SNTB1: variants seen among roughly 807,000 people sequenced by gnomAD.
SNTB1 encodes the protein beta-1-syntrophin.
In SNTB1, 36 loss-of-function variants were observed where a neutral mutation model predicts 48.9. The observed-to-expected ratio is 0.74, with a 90% CI of 0.56 to 0.97. The LOEUF (loss-of-function observed/expected upper bound fraction) is 0.97. Among genes scored for constraint, SNTB1 ranks in the 50% least tolerant of loss-of-function variants. The pLI, the probability that SNTB1 is intolerant of heterozygous loss-of-function variation, is 0.00. For missense variants in SNTB1, 786 were observed against 703.4 expected (o/e 1.12, Z -1.33); for synonymous variants, 299 against 294.6 (o/e 1.01, Z -0.15).
intron 5 of SNTB1, among the ~76,000 whole-genome samples, chr8:120,543,534 G>C (rs1156702971): frequency 6.6e-6 from 1 of 152,114 alleles, no homozygotes; most frequent in Non-Finnish European, 1.5e-5. Flanking sequence ...GGGTTGTTTG[G>C]CTTTCAAAAT....
At chr8:120,551,578 C>T (rs28417261) in intron 4 of SNTB1, among the ~76,000 whole-genome samples, 54,385 of 151,418 alleles carry the variant, frequency 0.36, 12,890 homozygotes, top group African/African-American at 0.68. Flanking sequence ...TGCAAAAAAT[C>T]AGCTGGGCAT....
At position 120,667,081 on chromosome 8, in the gene SNTB1, T is replaced by TTC. The variant is rs35665089; in HGVS notation, c.788+26609_788+26610dup. Among the ~76,000 whole-genome samples, 990 of 143,422 alleles carry TTC rather than the reference T, an allele frequency of 6.9e-3. 14 individuals carry two copies. In the Middle Eastern group the frequency reaches 0.083, roughly 12 times the overall value. 94.1% of individuals were successfully genotyped at this position (143,422 alleles called of 152,430 possible). A position where few individuals can be genotyped will look rare whatever the true frequency, so the allele number is the denominator to read the frequency against. On this transcript the variant is annotated intron_variant, in intron 2 of 6. Transcript: ENST00000517992. ...TGCTCCTTCTTTGCATGTTTGGTAA[T>TTC]TCTCTCTCTCTCTCTCTTCTTTTTT...
chr8:120,560,191 C>G (rs993488081), intron 4 of SNTB1, among the ~76,000 whole-genome samples: 1 of 152,188 alleles, frequency 6.6e-6, no homozygotes. Context: ...TTCTAACCTC[C>G]TTTCATCTGG....
rs529599539 is a variant in SNTB1 at position 120,637,305 on chromosome 8, T to C, written c.789-4654A>G. ...AACATCAGCTTGGCTAGTCCTCCTG[T>C]GGCTCCTGTCCTAAGTGTAGATACC... On this transcript the variant is annotated intron_variant, in intron 2 of 6. Coordinates refer to ENST00000517992, the MANE Select transcript of SNTB1 (RefSeq NM_021021.4). 3.6e-4 allele frequency: 117 copies of C among 323,682 alleles called. 1 individual carries two copies. The East Asian group carries it at 9.2e-3, about 25-fold the overall frequency. 20.1% of individuals were successfully genotyped at this position (323,682 alleles called of 1,614,324 possible).
At chr8:120,740,796 C>G (rs1055108648) in intron 1 of SNTB1, among the ~76,000 whole-genome samples, 1 of 151,544 alleles carries the variant, frequency 6.6e-6, no homozygotes, top group Non-Finnish European at 1.5e-5. Context: ...TTATTTTTTG[C>G]AGCACATAAA....
At chr8:120,649,302 C>G (rs1260162484) in intron 2 of SNTB1, among the ~76,000 whole-genome samples, 3 of 148,904 alleles carry the variant, frequency 2.0e-5, no homozygotes, top group Admixed American at 6.7e-5. Flanking sequence ...GTGGTTTTAT[C>G]TACTTTTGGT....
chr8:120,552,401 C>T (rs1194587012), intron 4 of SNTB1, among the ~76,000 whole-genome samples: 1 of 152,158 alleles, frequency 6.6e-6, no homozygotes, highest in Admixed American at 6.5e-5. Flanking sequence ...CAGAGTCACC[C>T]AGGCTGGAGT....
At chr8:120,698,428 A>G (rs567525024) in intron 1 of SNTB1, among the ~76,000 whole-genome samples, 6 of 152,302 alleles carry the variant, frequency 3.9e-5, no homozygotes, top group East Asian at 3.9e-4. Flanking sequence ...TTTCATATCT[A>G]TCCTGAGGGA....
chr8:120,616,685 CACA>C (rs1335907113), intron 3 of SNTB1, among the ~76,000 whole-genome samples: 7 of 152,148 alleles, frequency 4.6e-5, no homozygotes, highest in Non-Finnish European at 5.9e-5. Context: ...TTTAAAATTA[CACA>C]GCATGCAGCA....
rs748980515 is a variant in SNTB1 at position 120,628,522 on chromosome 8, C to T, written c.996+3922G>A. 1.8e-3 allele frequency among the ~76,000 whole-genome samples: 279 copies of T among 152,178 alleles called. 1 individual carries two copies. Among genetic ancestry groups the T allele is most frequent in the African/African-American group, 1.6e-3 (67 of 41,516 alleles). ...CTGTAATCCCAGGACTTTGGGAGGC[C>T]GACGTGGCCAGATCACCTGAGGTCA... On this transcript the variant is annotated intron_variant, in intron 3 of 6. Coordinates refer to ENST00000517992, the MANE Select transcript of SNTB1 (RefSeq NM_021021.4).
At chr8:120,738,584 C>CCTTT (rs1563585660) in intron 1 of SNTB1, among the ~76,000 whole-genome samples, 1 of 149,812 alleles carries the variant, frequency 6.7e-6, no homozygotes, top group Non-Finnish European at 1.5e-5. Context: ...TTCCTTCCTT[C>CCTTT]CTTCTTAGTG....
intron 1 of SNTB1, among the ~76,000 whole-genome samples, chr8:120,784,800 A>G (rs189921888): frequency 3.5e-4 from 54 of 152,358 alleles, no homozygotes; most frequent in Admixed American, 4.6e-4. Flanking sequence ...TTTAAAAGAA[A>G]AACGGAAAGA....
At chr8:120,559,179 G>A (rs1385301880) in intron 4 of SNTB1, among the ~76,000 whole-genome samples, 2 of 152,194 alleles carry the variant, frequency 1.3e-5, no homozygotes, top group Admixed American at 1.3e-4. Context: ...AAAGGTAGCT[G>A]AGATTAGATG....
At chr8:120,598,432 A>T (rs1346240585) in intron 3 of SNTB1, among the ~76,000 whole-genome samples, 1 of 152,146 alleles carries the variant, frequency 6.6e-6, no homozygotes, top group Non-Finnish European at 1.5e-5. Context: ...CCTTCTCCTG[A>T]GTGTCATTTA....
intron 3 of SNTB1, among the ~76,000 whole-genome samples, chr8:120,588,254 C>A (rs1251079001): frequency 1.3e-5 from 2 of 152,088 alleles, no homozygotes; most frequent in South Asian, 4.2e-4. Context: ...CAACATCACA[C>A]CAACATTTCC....
chr8:120,600,811 G>A (rs1403111345), intron 3 of SNTB1, among the ~76,000 whole-genome samples: 5 of 151,762 alleles, frequency 3.3e-5, no homozygotes, highest in African/African-American at 1.2e-4. Context: ...ACAGCTGCAG[G>A]GCTGTGGGGT....
intron 1 of SNTB1, among the ~76,000 whole-genome samples, chr8:120,756,360 G>A (rs1399487828): frequency 6.6e-6 from 1 of 152,080 alleles, no homozygotes; most frequent in Non-Finnish European, 1.5e-5. Flanking sequence ...GGTGTAAAGC[G>A]ATGGATGGAC....
rs1815431502 is a variant in SNTB1 at position 120,548,939 on chromosome 8, C to T, written c.1156G>A (p.Gly386Arg). ...LATRLVHSGP[G>R]KGSPQAGVDL... ...ACACCAGCCTGGGGTGATCCCTTTC[C>T]TGGACCTGAATGGACCAGCCTGGAG... Residue 386 changes from glycine (G) to arginine (R), a missense_variant, in exon 5 of 7, where the codon GGA becomes AGA. Coordinates refer to ENST00000517992, the MANE Select transcript of SNTB1 (RefSeq NM_021021.4). 6.3e-7 allele frequency: 1 copy of T among 1,592,536 alleles called. No individual in the cohort carries two copies.
chr8:120,807,610 T>C (rs556806629), intron 1 of SNTB1, among the ~76,000 whole-genome samples: 1 of 152,214 alleles, frequency 6.6e-6, no homozygotes, highest in East Asian at 1.9e-4. Flanking sequence ...GGCTGGGCCA[T>C]GTTACAGCAG....
Sources: allele counts gnomAD v4.1 joint callset (sites outside exome capture counted in the v4.1 genomes callset), GRCh38; gene constraint gnomAD v4.1.1; transcripts MANE v1.5; gene names NCBI Gene and HGNC (gene_info 2026-07-23, HGNC 2026-07-21).